Variants in CSMD1 observed in about 807,000 individuals in gnomAD.
CSMD1 encodes CUB and sushi domain-containing protein 1.
In CSMD1, 213 loss-of-function variants were observed where a neutral mutation model predicts 417.5. The observed-to-expected ratio is 0.51, with a 90% CI of 0.46 to 0.57. The LOEUF (loss-of-function observed/expected upper bound fraction) is 0.57. Among genes scored for constraint, CSMD1 ranks in the 20% least tolerant of loss-of-function variants. The pLI, the probability that CSMD1 is intolerant of heterozygous loss-of-function variation, is 0.00. For missense variants in CSMD1, 6,923 were observed against 4,529.7 expected (o/e 1.53, Z -15.17); for synonymous variants, 2,862 against 1,736.8 (o/e 1.65, Z -16.11).
chr8:4,027,968 C>T (rs1275823399), intron 4 of CSMD1, among the ~76,000 whole-genome samples: 3 of 151,950 alleles, frequency 2.0e-5, no homozygotes, highest in Non-Finnish European at 4.4e-5. Flanking sequence ...ATTTAGGATG[C>T]CCAATGGCAC....
intron 5 of CSMD1, among the ~76,000 whole-genome samples, chr8:3,918,270 C>G (rs183048500): frequency 3.3e-5 from 5 of 151,998 alleles, no homozygotes; most frequent in Non-Finnish European, 5.9e-5. Context: ...TTGTTTTTAG[C>G]AGCCTACAAA....
intron 3 of CSMD1, among the ~76,000 whole-genome samples, chr8:4,093,339 A>G (rs1800819687): frequency 6.6e-6 from 1 of 152,226 alleles, no homozygotes; most frequent in African/African-American, 2.4e-5. Context: ...GTAAATACAA[A>G]TGTAGAAGAA....
At chr8:3,548,513 C>T (rs1053305938) in intron 10 of CSMD1, among the ~76,000 whole-genome samples, 2 of 151,922 alleles carry the variant, frequency 1.3e-5, no homozygotes, top group Non-Finnish European at 2.9e-5. Context: ...ATCCTCATAG[C>T]TTAGCTCCTG....
intron 23 of CSMD1, among the ~76,000 whole-genome samples, chr8:3,337,154 A>G (rs897321079): frequency 2.0e-5 from 3 of 152,102 alleles, no homozygotes; most frequent in Non-Finnish European, 4.4e-5. Context: ...GGTTCAGTAC[A>G]TGACTCTGCC....
chr8:3,284,381 G>GC (rs1802984101), intron 25 of CSMD1, 35 bp from the exon 26 acceptor site: 1 of 1,513,622 alleles, frequency 6.6e-7, no homozygotes, highest in Non-Finnish European at 9.2e-7. Context: ...TACTTGCCGT[G>GC]CATCGAGCAT....
intron 57 of CSMD1, among the ~76,000 whole-genome samples, chr8:2,971,804 C>T (rs1251295846): frequency 4.6e-5 from 7 of 152,120 alleles, no homozygotes; most frequent in East Asian, 1.9e-4. Flanking sequence ...TCCTGCAATT[C>T]GTGACTATGG....
At chr8:4,421,535 A>G (rs1232911798) in intron 2 of CSMD1, among the ~76,000 whole-genome samples, 1 of 152,130 alleles carries the variant, frequency 6.6e-6, no homozygotes, top group African/African-American at 2.4e-5. Context: ...GATAAAAATG[A>G]CAGAAAAATA....
chr8:4,235,637 C>G (rs1345531153), intron 3 of CSMD1, among the ~76,000 whole-genome samples: 1 of 152,108 alleles, frequency 6.6e-6, no homozygotes, highest in East Asian at 1.9e-4. Flanking sequence ...TTACTGAGGA[C>G]CTGAAATGCA....
At chr8:4,976,428 T>G (rs1354201886) in intron 1 of CSMD1, among the ~76,000 whole-genome samples, 2 of 152,220 alleles carry the variant, frequency 1.3e-5, no homozygotes, top group African/African-American at 4.8e-5. Flanking sequence ...AAAGAAAGTT[T>G]GTTCTTAAAT....
At chr8:3,452,196 T>A (rs887727897) in intron 12 of CSMD1, among the ~76,000 whole-genome samples, 10 of 152,252 alleles carry the variant, frequency 6.6e-5, no homozygotes, top group African/African-American at 2.4e-4. Flanking sequence ...AAGTTGCTTA[T>A]CAGCTTAAGG....
chr8:4,288,695 G>C (rs957466906), intron 3 of CSMD1, among the ~76,000 whole-genome samples: 10 of 152,162 alleles, frequency 6.6e-5, no homozygotes, highest in African/African-American at 2.2e-4. Context: ...TCGTTGTAGA[G>C]TCTTCTAGTG....
chr8:3,538,803 G>A (rs1015183851), intron 10 of CSMD1, among the ~76,000 whole-genome samples: 1 of 152,134 alleles, frequency 6.6e-6, no homozygotes, highest in East Asian at 1.9e-4. Context: ...CTTGCACCAA[G>A]AGCCTGGTGG....
chr8:4,849,746 G>T (rs1034280415), intron 1 of CSMD1, among the ~76,000 whole-genome samples: 3 of 152,122 alleles, frequency 2.0e-5, no homozygotes, highest in Non-Finnish European at 4.4e-5. Context: ...TAGGTCTCTA[G>T]GAAGCTAAAC....
chr8:4,126,215 G>A (rs927172885), intron 3 of CSMD1, among the ~76,000 whole-genome samples: 1 of 152,070 alleles, frequency 6.6e-6, no homozygotes, highest in African/African-American at 2.4e-5. Context: ...AATGCTCTGG[G>A]AGACTGATTT....
intron 8 of CSMD1, among the ~76,000 whole-genome samples, chr8:3,593,115 C>G (rs1800932644): frequency 6.6e-6 from 1 of 152,184 alleles, no homozygotes; most frequent in Non-Finnish European, 1.5e-5. Flanking sequence ...TGGCTACCGC[C>G]AGAACTTGTC....
At chr8:4,729,357 T>A (rs989899831) in intron 1 of CSMD1, among the ~76,000 whole-genome samples, 5 of 152,156 alleles carry the variant, frequency 3.3e-5, no homozygotes, top group Non-Finnish European at 7.4e-5. Context: ...AGTAACTGAT[T>A]GCAGTAGGTT....
intron 3 of CSMD1, among the ~76,000 whole-genome samples, chr8:4,065,268 A>C (rs753995677): frequency 3.9e-5 from 6 of 152,180 alleles, no homozygotes; most frequent in Non-Finnish European, 8.8e-5. Flanking sequence ...AGAACCACTG[A>C]CTCTGTTGGG....
intron 3 of CSMD1, among the ~76,000 whole-genome samples, chr8:4,397,031 A>T (rs867123553): frequency 1.1e-4 from 16 of 144,480 alleles, no homozygotes; most frequent in South Asian, 2.2e-4. Context: ...TAATGAAATT[A>T]AAAAAAAAAT....
chr8:4,308,732 G>A (rs553188712), intron 3 of CSMD1, among the ~76,000 whole-genome samples: 5 of 152,310 alleles, frequency 3.3e-5, no homozygotes, highest in Admixed American at 2.6e-4. Context: ...TAATTTATCT[G>A]AGATGTGTAA....
Sources: allele counts gnomAD v4.1 joint callset (sites outside exome capture counted in the v4.1 genomes callset), GRCh38; gene constraint gnomAD v4.1.1; transcripts MANE v1.5; gene names NCBI Gene and HGNC (gene_info 2026-07-23, HGNC 2026-07-21).